CSGALNACT1: variants seen among roughly 807,000 people sequenced by gnomAD.
CSGALNACT1 encodes beta4GalNAcT-1.
A neutral mutation model predicts 51.0 loss-of-function variants in CSGALNACT1; 52 were observed. The ratio of observed to expected loss-of-function variants is 1.02; its 90% CI spans 0.82 to 1.29. The LOEUF (loss-of-function observed/expected upper bound fraction) is 1.29, where lower values mean the gene tolerates loss of function less well. Among genes scored for constraint, CSGALNACT1 ranks in the 50% most tolerant of loss-of-function variants. CSGALNACT1 has a pLI of 0.00. For synonymous variants in CSGALNACT1, 341 were observed against 254.4 expected, an observed-to-expected ratio of 1.34 and a Z score of -3.24; for missense variants, 935 against 679.2, an observed-to-expected ratio of 1.38 and a Z score of -4.19.
chr8:19,435,577 C>A (rs183083153), intron 6 of CSGALNACT1, among the ~76,000 whole-genome samples: 1 of 152,234 alleles, frequency 6.6e-6, no homozygotes, highest in East Asian at 1.9e-4. Context: ...GAACCACCCA[C>A]ATCAGCAACA....
At chr8:19,666,575 A>T (rs2059187907) in intron 1 of CSGALNACT1, among the ~76,000 whole-genome samples, 1 of 151,412 alleles carries the variant, frequency 6.6e-6, no homozygotes, top group South Asian at 2.1e-4. Flanking sequence ...AGTGCCTGTA[A>T]TCCCAGCTAC....
chr8:19,582,772 G>A (rs1037111737), intron 3 of CSGALNACT1, among the ~76,000 whole-genome samples: 3 of 152,098 alleles, frequency 2.0e-5, no homozygotes, highest in Non-Finnish European at 4.4e-5. Flanking sequence ...CTGGACTAAG[G>A]TATCCTAGAA....
chr8:19,741,584 G>C (rs1454773846), intron 1 of CSGALNACT1, among the ~76,000 whole-genome samples: 1 of 148,736 alleles, frequency 6.7e-6, no homozygotes, highest in Non-Finnish European at 1.5e-5. Context: ...AAAAAAGGGA[G>C]TCTTAGCCAA....
At chr8:19,441,693 G>A (rs1352436588) in intron 5 of CSGALNACT1, among the ~76,000 whole-genome samples, 1 of 152,054 alleles carries the variant, frequency 6.6e-6, no homozygotes, top group Non-Finnish European at 1.5e-5. Flanking sequence ...CAAAAGCAAT[G>A]GCAACAAAAG....
chr8:19,458,477 A>G (rs1473149138), exon 5 of CSGALNACT1: 1 of 1,614,126 alleles, frequency 6.2e-7, no homozygotes, highest in East Asian at 2.2e-5. Context: ...TGCTAGAGGC[A>G]CGATAACATT....
chr8:19,716,025 G>T (rs554718339), intron 1 of CSGALNACT1, among the ~76,000 whole-genome samples: 1 of 152,150 alleles, frequency 6.6e-6, no homozygotes, highest in Non-Finnish European at 1.5e-5. Flanking sequence ...AATGAGGGTC[G>T]GAGGTTGTTC....
chr8:19,630,041 G>A (rs1054162542), intron 1 of CSGALNACT1, among the ~76,000 whole-genome samples: 5 of 152,116 alleles, frequency 3.3e-5, no homozygotes, highest in Admixed American at 1.3e-4. Context: ...CCCCATGGAT[G>A]CTATGGCAGA....
chr8:19,421,784 T>C (rs1255686777), intron 6 of CSGALNACT1, among the ~76,000 whole-genome samples: 1 of 152,226 alleles, frequency 6.6e-6, no homozygotes, highest in Non-Finnish European at 1.5e-5. Context: ...TCTTCTTCTT[T>C]TGGATCTGGG....
intron 1 of CSGALNACT1, among the ~76,000 whole-genome samples, chr8:19,755,378 AAAG>A (rs1234331399): frequency 6.6e-6 from 1 of 151,248 alleles, no homozygotes; most frequent in Non-Finnish European, 1.5e-5. Context: ...GTAGGGTTAC[AAAG>A]AAGAAGGAAT....
intron 1 of CSGALNACT1, among the ~76,000 whole-genome samples, chr8:19,752,619 G>A (rs1483363702): frequency 6.6e-6 from 1 of 152,196 alleles, no homozygotes; most frequent in Non-Finnish European, 1.5e-5. Context: ...AAGCTGCAGT[G>A]CTGTGTGCCC....
chr8:19,654,496 G>T (rs1057353498), intron 1 of CSGALNACT1, among the ~76,000 whole-genome samples: 5 of 152,126 alleles, frequency 3.3e-5, no homozygotes, highest in African/African-American at 1.2e-4. Context: ...TGTTTTCCTT[G>T]GTTTCCCCAT....
chr8:19,572,572 G>T (rs2043261850), intron 3 of CSGALNACT1, among the ~76,000 whole-genome samples: 1 of 152,156 alleles, frequency 6.6e-6, no homozygotes. Context: ...TACTCACAAA[G>T]AAGTTTTAAC....
At chr8:19,474,030 A>G (rs527787462) in intron 4 of CSGALNACT1, among the ~76,000 whole-genome samples, 1 of 152,350 alleles carries the variant, frequency 6.6e-6, no homozygotes, top group Admixed American at 6.5e-5. Flanking sequence ...CATTTATCTC[A>G]AACTGGTACA....
At chr8:19,574,716 C>T (rs1162355504) in intron 3 of CSGALNACT1, among the ~76,000 whole-genome samples, 2 of 152,092 alleles carry the variant, frequency 1.3e-5, no homozygotes, top group Non-Finnish European at 2.9e-5. Context: ...GATAAGATGG[C>T]AGACTGTCTA....
At chr8:19,478,309 G>C (rs2070347055) in intron 4 of CSGALNACT1, among the ~76,000 whole-genome samples, 1 of 151,774 alleles carries the variant, frequency 6.6e-6, no homozygotes, top group South Asian at 2.1e-4. Context: ...AGCTACTCGG[G>C]AGGCTGAGGC....
At chr8:19,432,692 CA>C (rs1380453904) in intron 6 of CSGALNACT1, among the ~76,000 whole-genome samples, 2 of 152,082 alleles carry the variant, frequency 1.3e-5, no homozygotes, top group African/African-American at 2.4e-5. Flanking sequence ...TCTGCTTCTT[CA>C]AACCTGCTGT....
chr8:19,718,714 T>C (rs1396222836), intron 1 of CSGALNACT1, among the ~76,000 whole-genome samples: 1 of 152,170 alleles, frequency 6.6e-6, no homozygotes, highest in Non-Finnish European at 1.5e-5. Flanking sequence ...TAGCCATCTC[T>C]AAATCCACCC....
At chr8:19,726,523 A>C (rs1337302002) in intron 1 of CSGALNACT1, among the ~76,000 whole-genome samples, 1 of 152,216 alleles carries the variant, frequency 6.6e-6, no homozygotes, top group Non-Finnish European at 1.5e-5. Context: ...ATATATTGTA[A>C]AATGGTTAAG....
intron 4 of CSGALNACT1, among the ~76,000 whole-genome samples, chr8:19,460,313 T>C (rs1029846441): frequency 6.6e-6 from 1 of 152,186 alleles, no homozygotes; most frequent in Admixed American, 6.5e-5. Flanking sequence ...TTACCTTATA[T>C]TGTTATGATT....
Sources: gnomAD v4.1 joint callset for allele counts (sites outside exome capture counted in the v4.1 genomes callset) on GRCh38, gnomAD v4.1.1 for gene constraint, MANE v1.5 for transcripts, NCBI Gene and HGNC (gene_info 2026-07-23, HGNC 2026-07-21) for gene names.